The following PGA5 variants were observed in gnomAD, a reference collection of about 807,000 sequenced individuals.
PGA5 encodes pepsinogen A5.
A neutral mutation model predicts 15.9 loss-of-function variants in PGA5; 19 were observed. The observed-to-expected ratio is 1.19, with a 90% confidence interval of 0.83 to 1.75. The LOEUF (loss-of-function observed/expected upper bound fraction) is 1.75, where lower values mean the gene tolerates loss of function less well. Ranked by LOEUF, PGA5 falls within the 40% of genes most tolerant of loss-of-function variation. The pLI is 0.00. For missense variants in PGA5, 224 were observed against 246.4 expected, an observed-to-expected ratio of 0.91 and a Z score of 0.61; for synonymous variants, 92 against 95.8, an observed-to-expected ratio of 0.96 and a Z score of 0.23.
At chr11:61,248,118 C>T in intron 5 of PGA5, 2 of 681,310 alleles carry the variant, frequency 2.9e-6, no homozygotes, top group Non-Finnish European at 5.2e-6. Context: ...CGGTGGAAAC[C>T]ACACATTCAA....
rs770348919 is a variant in PGA5 at position 61,251,158 on chromosome 11, C to T, written c.1044C>T (p.Phe348=). ...GCGAGGGGAGCTGCATCAGTGGCTTCCAGGGCATGAACGTCCCCACCGAAT... is the reference window on the plus strand; with the variant it reads ...GCGAGGGGAGCTGCATCAGTGGCTTTCAGGGCATGAACGTCCCCACCGAAT... The part of the protein sequence containing the change: ...LQSEGSCISG[F]QGMNVPTESG... The change falls in exon 9 of 9, where the codon TTC becomes TTT. Residue 348 remains phenylalanine, a synonymous_variant. Coordinates refer to ENST00000312403, the MANE Select transcript of PGA5 (RefSeq NM_014224.5). The T allele has an allele frequency of 4.3e-6, 7 of 1,611,656 alleles. No homozygotes were observed. The African/African-American group carries it at 9.4e-5, about 22-fold the overall frequency.
At chr11:61,250,492 T>A (rs1462561290) in intron 8 of PGA5, among the ~76,000 whole-genome samples, 2 of 151,488 alleles carry the variant, frequency 1.3e-5, no homozygotes, top group African/African-American at 4.9e-5. Context: ...ACTTCTACCA[T>A]CTCTACCAAG....
At chr11:61,245,821 G>A (rs2134702764) in intron 4 of PGA5, 125 bp from the exon 5 acceptor site, 6 of 110,786 alleles carry the variant, frequency 5.4e-5, no homozygotes, top group Non-Finnish European at 9.1e-5. Flanking sequence ...CCCTCCTCCC[G>A]GGCTGATACC....
In PGA5 at chr11:61,251,434, A is replaced by C. The variant is rs1218943739; in HGVS notation, c.*153A>C. Reference sequence around the variant, plus strand: ...ACCAATAACGTAGAATAAAAACATAACCCACTGAAACAGGTTTTGTGGAGC... The same window carrying C: ...ACCAATAACGTAGAATAAAAACATACCCCACTGAAACAGGTTTTGTGGAGC... On this transcript the variant is annotated 3_prime_UTR_variant, in exon 9 of 9. Transcript: ENST00000312403. The C allele has an allele frequency of 7.5e-7, 1 of 1,325,852 alleles. No individual in the cohort carries two copies. The highest frequency in any genetic ancestry group is 1.0e-6 in the Non-Finnish European group (1 of 980,102). The allele number at this position is 1,325,852 out of a possible 1,614,324, so 82.1% of individuals were successfully genotyped here.
Position 61,249,691 on chromosome 11 carries a change from A to G in PGA5, c.796A>G (p.Ile266Val). 2 of 1,613,476 alleles carry G rather than the reference A, an allele frequency of 1.2e-6. No individual in the cohort carries two copies. Among genetic ancestry groups the G allele is most frequent in the Non-Finnish European group, 1.7e-6 (2 of 1,179,822 alleles). The change falls in exon 7 of 9, where the codon ATC becomes GTC. Residue 266 changes from isoleucine to valine, a missense_variant. Coordinates refer to ENST00000312403, the MANE Select transcript of PGA5 (RefSeq NM_014224.5). ...VDSITMNGET[I>V]ACAEGCQAIV... Reference sequence around the variant, plus strand: ...CAGCATCACCATGAACGGAGAGACCATCGCCTGTGCTGAGGGCTGCCAGGC... The same window carrying G: ...CAGCATCACCATGAACGGAGAGACCGTCGCCTGTGCTGAGGGCTGCCAGGC...
chr11:61,250,936 GAAACC>G (rs1198056161), intron 8 of PGA5, among the ~76,000 whole-genome samples, 191 bp from the exon 9 acceptor site: 17 of 151,760 alleles, frequency 1.1e-4, no homozygotes, highest in African/African-American at 4.1e-4. Context: ...GTAATGCGTA[GAAACC>G]AGTCGTGCAT....
Position 61,248,437 on chromosome 11 carries a change from C to A in PGA5, c.675C>A (p.Ser225Arg). 1 of 1,613,804 alleles carries A rather than the reference C, an allele frequency of 6.2e-7. No individual in the cohort carries two copies. The highest frequency in any genetic ancestry group is 8.5e-7 in the Non-Finnish European group (1 of 1,179,868). ...VYLSADDKSG[S>R]VVIFGGIDSS... ...TCCACAGCGATGACAAGAGTGGCAG[C>A]GTGGTGATCTTTGGTGGCATTGACT... The change falls in exon 6 of 9, where the codon AGC becomes AGA. Residue 225 changes from serine (S) to arginine (R), a missense_variant. Transcript: ENST00000312403.
intron 6 of PGA5, 75 bp from the exon 7 acceptor site, chr11:61,249,594 G>C: frequency 1.9e-6 from 3 of 1,612,200 alleles, no homozygotes; most frequent in Non-Finnish European, 1.7e-6. Flanking sequence ...GAATGTCTGG[G>C]CTCACCTCCT....
rs777605243 is a variant in PGA5 at position 61,248,401 on chromosome 11, T to C, written c.657-18T>C. On this transcript the variant is annotated intron_variant, in intron 5 of 8. Coordinates refer to ENST00000312403, the MANE Select transcript of PGA5 (RefSeq NM_014224.5). ...GACGAACAAAAAAATTCATGTCTTC[T>C]CCCCTCACTTTCCACAGCGATGACA... The C allele has an allele frequency of 1.2e-6, 2 of 1,613,690 alleles. No homozygotes were observed. The highest frequency in any genetic ancestry group is 2.7e-5 in the African/African-American group (2 of 74,772).
Position 61,251,401 on chromosome 11 carries a change from C to T in PGA5, c.*120C>T. 3 of 1,509,032 alleles carry T rather than the reference C, an allele frequency of 2.0e-6. No individual in the cohort carries two copies. Among genetic ancestry groups the T allele is most frequent in the South Asian group, 1.3e-5 (1 of 77,514 alleles). The allele number at this position is 1,509,032 out of a possible 1,614,324, so 93.5% of individuals were successfully genotyped here. A position where few individuals can be genotyped will look rare whatever the true frequency, so the allele number is the denominator to read the frequency against. On this transcript the variant is annotated 3_prime_UTR_variant, in exon 9 of 9. Transcript: ENST00000312403. ...GAGTGTGAAGGTCTTGGCCCTGTTC[C>T]CTGTCCTACCAATAACGTAGAATAA... is the stretch of plus-strand genomic sequence containing the variant.
chr11:61,245,940 A>G lies in PGA5; in HGVS notation c.457-6A>G. 4.5e-6 allele frequency: 1 copy of G among 223,782 alleles called. No individual in the cohort carries two copies. The highest frequency in any genetic ancestry group is 1.5e-4 in the African/African-American group (1 of 6,594). The allele number at this position is 223,782 out of a possible 1,614,324, so 13.9% of individuals were successfully genotyped here. A position where few individuals can be genotyped will look rare whatever the true frequency, so the allele number is the denominator to read the frequency against. On this transcript the variant is annotated splice_region_variant and splice_polypyrimidine_tract_variant and intron_variant, in intron 4 of 8. Transcript: ENST00000312403. ...TGGTGAACATCATCTCGGTTTCCCC[A>G]CCCAGGTTGGAGGCATCTCTGACAC...
intron 6 of PGA5, among the ~76,000 whole-genome samples, 196 bp downstream of exon 6, chr11:61,248,731 CT>C: frequency 6.6e-6 from 1 of 152,174 alleles, no homozygotes; most frequent in East Asian, 1.9e-4. Flanking sequence ...GAGGGAAGAG[CT>C]GTCTGGGAAG....
At chr11:61,248,235 G>A in intron 5 of PGA5, 184 bp from the exon 6 acceptor site, 1 of 1,439,666 alleles carries the variant, frequency 6.9e-7, no homozygotes, top group Non-Finnish European at 9.8e-7. Context: ...ATGGTAAGTG[G>A]AAACAACAGT....
At chr11:61,250,456 A>G (rs1317597211) in intron 8 of PGA5, among the ~76,000 whole-genome samples, 1 of 151,450 alleles carries the variant, frequency 6.6e-6, no homozygotes, top group African/African-American at 2.4e-5. Context: ...TGGAAATCCT[A>G]ATTTCCATAG....
rs990638959 is a variant in PGA5, at chr11:61,251,418, G to A, written c.*137G>A. On this transcript the variant is annotated 3_prime_UTR_variant, in exon 9 of 9. Coordinates refer to ENST00000312403, the MANE Select transcript of PGA5 (RefSeq NM_014224.5). The stretch of plus-strand genomic sequence containing the variant: ...CCCTGTTCCCTGTCCTACCAATAAC[G>A]TAGAATAAAAACATAACCCACTGAA... 5.0e-5 allele frequency: 73 copies of A among 1,447,848 alleles called. No homozygotes were observed. Among genetic ancestry groups the A allele is most frequent in the Admixed American group, 3.0e-4 (13 of 43,290 alleles). The allele number at this position is 1,447,848 out of a possible 1,614,324, so 89.7% of individuals were successfully genotyped here. A position where few individuals can be genotyped will look rare whatever the true frequency, so the allele number is the denominator to read the frequency against.
chr11:61,251,080 T>C, intron 8 of PGA5, 52 bp from the exon 9 acceptor site: 1 of 1,611,776 alleles, frequency 6.2e-7, no homozygotes, highest in East Asian at 2.2e-5. Context: ...ACCCAGCGCC[T>C]ATCACGGCTG....
chr11:61,248,945 T>A (rs998000729), intron 6 of PGA5, among the ~76,000 whole-genome samples: 3 of 152,082 alleles, frequency 2.0e-5, no homozygotes, highest in Admixed American at 2.0e-4. Flanking sequence ...GCTAAGAAAT[T>A]GTGTGAAGTC....
intron 6 of PGA5, 193 bp from the exon 7 acceptor site, chr11:61,249,476 G>A (rs1034528237): frequency 3.6e-6 from 4 of 1,125,694 alleles, no homozygotes; most frequent in Admixed American, 2.2e-5. Flanking sequence ...GCCTGGCAGA[G>A]GGTAGGCACT....
intron 5 of PGA5, 72 bp from the exon 6 acceptor site, chr11:61,248,347 G>A (rs1166534678): frequency 1.2e-6 from 2 of 1,613,788 alleles, no homozygotes; most frequent in South Asian, 1.1e-5. Flanking sequence ...GTCGCTCTGA[G>A]GAGGCAACAG....
Sources: gnomAD v4.1 joint callset for allele counts (sites outside exome capture counted in the v4.1 genomes callset) on GRCh38, gnomAD v4.1.1 for gene constraint, MANE v1.5 for transcripts, NCBI Gene and HGNC (gene_info 2026-07-23, HGNC 2026-07-21) for gene names.